ZBTB7C: variants seen among roughly 807,000 people sequenced by gnomAD.
ZBTB7C encodes the protein zinc finger and BTB domain containing 7C.
ZBTB7C carries 8 observed loss-of-function variants against 25.7 expected under a neutral mutation model. The ratio of observed to expected loss-of-function variants is 0.31; its 90% confidence interval spans 0.18 to 0.56. The LOEUF is 0.56. Among genes scored for constraint, ZBTB7C ranks in the 20% least tolerant of loss-of-function variants. ZBTB7C has a pLI of 0.91. For missense variants in ZBTB7C, 824 were observed against 855.2 expected, an observed-to-expected ratio of 0.96 and a Z score of 0.46; for synonymous variants, 394 against 369.0, an observed-to-expected ratio of 1.07 and a Z score of -0.78.
intron 2 of ZBTB7C, among the ~76,000 whole-genome samples, chr18:48,263,113 G>T (rs1008865170): frequency 1.3e-5 from 2 of 152,162 alleles, no homozygotes; most frequent in Non-Finnish European, 2.9e-5. Context: ...ACTCCTCATT[G>T]TCCCACAAAC....
At chr18:48,175,357 T>C (rs1272072357) in intron 3 of ZBTB7C, among the ~76,000 whole-genome samples, 1 of 152,176 alleles carries the variant, frequency 6.6e-6, no homozygotes, top group Non-Finnish European at 1.5e-5. Context: ...GTGAATTTTG[T>C]TGACAGTTTG....
At chr18:48,409,146 A>C (rs1450302690) in intron 1 of ZBTB7C, 80 bp downstream of exon 1, 1 of 145,544 alleles carries the variant, frequency 6.9e-6, no homozygotes, top group African/African-American at 2.6e-5. Context: ...CGACCTCCCG[A>C]ACTGCCTCGG....
intron 3 of ZBTB7C, among the ~76,000 whole-genome samples, chr18:48,046,306 T>C (rs903572188): frequency 6.6e-6 from 1 of 152,246 alleles, no homozygotes; most frequent in African/African-American, 2.4e-5. Context: ...ATTACAACAA[T>C]GTTTTGATAG....
intron 2 of ZBTB7C, among the ~76,000 whole-genome samples, chr18:48,306,339 A>G (rs995666305): frequency 6.6e-6 from 1 of 152,146 alleles, no homozygotes; most frequent in African/African-American, 2.4e-5. Context: ...AAGGGACCCA[A>G]TTCTGTTTTG....
intron 1 of ZBTB7C, among the ~76,000 whole-genome samples, chr18:48,386,631 T>C (rs973730376): frequency 3.3e-5 from 5 of 152,226 alleles, no homozygotes; most frequent in Admixed American, 6.5e-5. Context: ...GATGCAGCCA[T>C]GTATACAGAT....
At chr18:48,241,411 C>A (rs541087459) in intron 2 of ZBTB7C, among the ~76,000 whole-genome samples, 7 of 152,250 alleles carry the variant, frequency 4.6e-5, no homozygotes, top group African/African-American at 1.7e-4. Context: ...GCATTGTATT[C>A]ATCAGCACAT....
Position 48,040,807 on chromosome 18 carries a change from C to A in ZBTB7C, c.301G>T (p.Ala101Ser), listed in dbSNP as rs116635295. 9.3e-6 allele frequency: 15 copies of A among 1,613,828 alleles called. No homozygotes were observed. Among genetic ancestry groups the A allele is most frequent in the Middle Eastern group, 1.6e-4 (1 of 6,084 alleles). ...FAYTSTLTIT[A>S]GNVKHILNAA... ...TTGAGGATGTGCTTGACATTGCCAGCGGTGATGGTGAGCGTGGAGGTGTAG... is the reference window on the plus strand; with the variant it reads ...TTGAGGATGTGCTTGACATTGCCAGAGGTGATGGTGAGCGTGGAGGTGTAG... The change falls in exon 4 of 5, where the codon GCT becomes TCT. Residue 101 changes from alanine to serine, a missense_variant. Ala to Ser is a moderately conservative substitution (Grantham distance 99). This residue lies in a region of ZBTB7C where 117 missense variants were observed against 167.7 expected (regional missense o/e 0.70). Transcript: ENST00000590800.
chr18:48,395,429 A>C (rs537548449), intron 1 of ZBTB7C, among the ~76,000 whole-genome samples: 88 of 103,108 alleles, frequency 8.5e-4, no homozygotes, highest in African/African-American at 3.2e-3. Flanking sequence ...GATGTGTATG[A>C]ATGTGGATGT....
intron 3 of ZBTB7C, among the ~76,000 whole-genome samples, chr18:48,110,923 C>T (rs2039216282): frequency 6.6e-6 from 1 of 152,168 alleles, no homozygotes; most frequent in South Asian, 2.1e-4. Flanking sequence ...AGGCTTATTC[C>T]TTTGCTCCAG....
chr18:48,194,180 C>T (rs1188796637), intron 2 of ZBTB7C, among the ~76,000 whole-genome samples: 1 of 152,204 alleles, frequency 6.6e-6, no homozygotes, highest in Non-Finnish European at 1.5e-5. Flanking sequence ...AGTCTGGCTG[C>T]CCAATCTGGG....
chr18:48,260,409 C>T (rs1356354891), intron 2 of ZBTB7C, among the ~76,000 whole-genome samples: 3 of 152,240 alleles, frequency 2.0e-5, no homozygotes, highest in East Asian at 1.9e-4. Flanking sequence ...AAGGATATGT[C>T]TATTATTTTG....
intron 3 of ZBTB7C, among the ~76,000 whole-genome samples, chr18:48,088,032 C>T (rs1235073677): frequency 6.6e-6 from 1 of 152,194 alleles, no homozygotes; most frequent in East Asian, 1.9e-4. Flanking sequence ...ATCACACTAA[C>T]ACCCCTGTAA....
intron 1 of ZBTB7C, among the ~76,000 whole-genome samples, chr18:48,385,842 C>T (rs1193010551): frequency 2.0e-5 from 3 of 152,174 alleles, no homozygotes; most frequent in Non-Finnish European, 2.9e-5. Context: ...GCCAGGGTGG[C>T]AGACACACGG....
intron 1 of ZBTB7C, among the ~76,000 whole-genome samples, chr18:48,344,566 AAGG>A (rs1165574029): frequency 2.0e-5 from 3 of 152,180 alleles, no homozygotes; most frequent in African/African-American, 7.2e-5. Context: ...CAAAACAGAG[AAGG>A]AGTAGAATTT....
At chr18:48,286,275 CT>C (rs2045051471) in intron 2 of ZBTB7C, among the ~76,000 whole-genome samples, 2 of 147,228 alleles carry the variant, frequency 1.4e-5, no homozygotes, top group Admixed American at 1.4e-4. Flanking sequence ...TGTATTAGTT[CT>C]TTGTCAGCTG....
At chr18:48,154,325 A>ACCTGAGCGTATC (rs1413740440) in intron 3 of ZBTB7C, among the ~76,000 whole-genome samples, 1 of 152,186 alleles carries the variant, frequency 6.6e-6, no homozygotes, top group Non-Finnish European at 1.5e-5. Flanking sequence ...CCTTAGGGAT[A>ACCTGAGCGTATC]CCTGAGCGGG....
At chr18:48,218,112 C>T (rs2042868152) in intron 2 of ZBTB7C, among the ~76,000 whole-genome samples, 1 of 152,180 alleles carries the variant, frequency 6.6e-6, no homozygotes, top group South Asian at 2.1e-4. Context: ...CAACACCGAA[C>T]ACCAGGGTTC....
intron 3 of ZBTB7C, among the ~76,000 whole-genome samples, chr18:48,174,441 C>T (rs755308899): frequency 5.9e-5 from 9 of 152,250 alleles, no homozygotes; most frequent in African/African-American, 1.2e-4. Flanking sequence ...TTGACAATAA[C>T]GTCTGTTGGC....
At chr18:48,389,247 G>C (rs1263336286) in intron 1 of ZBTB7C, among the ~76,000 whole-genome samples, 2 of 137,698 alleles carry the variant, frequency 1.5e-5, no homozygotes, top group African/African-American at 3.1e-5. Flanking sequence ...GTGTGTGTGT[G>C]TGTGTGTGTG....
Sources: gnomAD v4.1 joint callset for allele counts (sites outside exome capture counted in the v4.1 genomes callset) on GRCh38, gnomAD v4.1.1 for gene constraint, gnomAD v4.1.1 regional missense constraint, MANE v1.5 for transcripts, NCBI Gene and HGNC (gene_info 2026-07-23, HGNC 2026-07-21) for gene names.